PPP1R10: variants seen among roughly 807,000 people sequenced by gnomAD.
PPP1R10 encodes the protein serine/threonine-protein phosphatase 1 regulatory subunit 10.
PPP1R10 carries 15 observed loss-of-function variants against 99.0 expected under a neutral mutation model. The ratio of observed to expected loss-of-function variants is 0.15; its 90% confidence interval spans 0.10 to 0.23. PPP1R10 has a LOEUF of 0.23. PPP1R10 is among the 10% of genes least tolerant of loss of function. The pLI, the probability that PPP1R10 is intolerant of heterozygous loss-of-function variation, is 1.00. For synonymous variants in PPP1R10, 430 were observed against 449.5 expected (o/e 0.96, Z 0.55); for missense variants, 947 against 1,259.4 (o/e 0.75, Z 3.75).
chr6:30,614,072 AATT>A (rs1045528837), intron 2 of PPP1R10, among the ~76,000 whole-genome samples: 19 of 152,278 alleles, frequency 1.2e-4, no homozygotes, highest in African/African-American at 4.1e-4. Flanking sequence ...TAAAAATTAA[AATT>A]ATATGGAGAG....
At position 30,602,709 on chromosome 6, in the gene PPP1R10, A is replaced by G. The variant is rs1363369335; in HGVS notation, c.1958-18T>C. The G allele has an allele frequency of 1.2e-6, 2 of 1,604,440 alleles. No individual in the cohort carries two copies. The highest frequency in any genetic ancestry group is 3.4e-5 in the Admixed American group (2 of 58,380). ...ATGGGGACCTGTAAGGGGACAAAAA[A>G]GAGAGACAGTATCAGCTACCAGGAA... On this transcript the variant is annotated intron_variant, in intron 18 of 19. Coordinates refer to ENST00000376511, the MANE Select transcript of PPP1R10 (RefSeq NM_002714.4). The surrounding 1 kb of genome is among the most constrained non-coding windows in gnomAD (Gnocchi z 6.7).
At position 30,601,585 on chromosome 6, in the gene PPP1R10, G is replaced by A. The variant is rs780919255; in HGVS notation, c.2787C>T (p.Phe929=). Residue 929 remains phenylalanine (F), a synonymous_variant, in exon 20 of 20, where the codon TTC becomes TTT. Coordinates refer to ENST00000376511, the MANE Select transcript of PPP1R10 (RefSeq NM_002714.4). ...GNCRYENNCA[F]YHPGVNGPPL... is the part of the protein sequence containing the mutation. ...GGGGCCCATTGACACCCGGGTGGTAGAAGGCACAGTTGTTCTCATAGCGGC... is the reference window on the plus strand; with the variant it reads ...GGGGCCCATTGACACCCGGGTGGTAAAAGGCACAGTTGTTCTCATAGCGGC... The A allele has an allele frequency of 2.5e-6, 4 of 1,614,160 alleles. No homozygotes were observed. In the Admixed American group the frequency reaches 6.7e-5, roughly 27 times the overall value.
Position 30,603,857 on chromosome 6 carries a change from C to T in PPP1R10, c.1509-14G>A. 6.5e-7 allele frequency: 1 copy of T among 1,529,644 alleles called. No individual in the cohort carries two copies. Among genetic ancestry groups the T allele is most frequent in the Non-Finnish European group, 8.8e-7 (1 of 1,141,396 alleles). The allele number at this position is 1,529,644 out of a possible 1,614,324, so 94.8% of individuals were successfully genotyped here. Reference sequence around the variant, plus strand: ...GGCTCATGAGGACTATCAGGAACAACACAGGTGAGAGAAAAAAGAATGATA... The same window carrying T: ...GGCTCATGAGGACTATCAGGAACAATACAGGTGAGAGAAAAAAGAATGATA... On this transcript the variant is annotated splice_polypyrimidine_tract_variant and intron_variant, in intron 14 of 19. Transcript: ENST00000376511.
intron 17 of PPP1R10, 124 bp from the exon 18 acceptor site, chr6:30,603,083 T>C: frequency 7.1e-7 from 1 of 1,407,830 alleles, no homozygotes; most frequent in Non-Finnish European, 9.9e-7. Flanking sequence ...CTCTGTCCAG[T>C]CTTCCCCTCC....
rs778742536 is a variant in PPP1R10, at chr6:30,604,462, T to G, written c.1152A>C (p.Gly384=). 1.2e-6 allele frequency: 2 copies of G among 1,613,116 alleles called. No homozygotes were observed. The highest frequency in any genetic ancestry group is 1.1e-5 in the South Asian group (1 of 91,088). ...ALDAKPVESP[G]DPNQLTRKGR... ...CTTTCCGGGTCAGTTGGTTAGGATCTCCAGGACTCTCCACTGGCTTGGCAT... is the reference window on the plus strand; with the variant it reads ...CTTTCCGGGTCAGTTGGTTAGGATCGCCAGGACTCTCCACTGGCTTGGCAT... The change falls in exon 13 of 20, where the codon GGA becomes GGC. Residue 384 remains glycine (G), a synonymous_variant. Transcript: ENST00000376511. The surrounding 1 kb of genome is among the most constrained non-coding windows in gnomAD (Gnocchi z 7.3).
chr6:30,613,543 CTCAG>C (rs2127451198), intron 2 of PPP1R10, among the ~76,000 whole-genome samples: 1 of 152,134 alleles, frequency 6.6e-6, no homozygotes, highest in South Asian at 2.1e-4. Flanking sequence ...GCCCCTACCC[CTCAG>C]TCATTTTGCA....
At chr6:30,607,602 A>T (rs1352762422) in intron 6 of PPP1R10, among the ~76,000 whole-genome samples, 1 of 152,240 alleles carries the variant, frequency 6.6e-6, no homozygotes, top group Non-Finnish European at 1.5e-5. Flanking sequence ...TTTAGGAATC[A>T]GCTTCCAGTT....
chr6:30,603,571 T>G lies in PPP1R10; in HGVS notation c.1668A>C (p.Pro556=), dbSNP rs1304922014. ...PDGAGGSKLP[P]VLANLMGSMG... is the part of the protein sequence containing the mutation. ...TGCTTCCCATAAGATTGGCCAGAAC[T>G]GGAGGCAACTTGGAGCCTCCTGCCC... The change falls in exon 16 of 20, where the codon CCA becomes CCC. Residue 556 remains proline (P), a synonymous_variant. Coordinates refer to ENST00000376511, the MANE Select transcript of PPP1R10 (RefSeq NM_002714.4). The G allele has an allele frequency of 3.7e-6, 6 of 1,613,918 alleles. No homozygotes were observed. The highest frequency in any genetic ancestry group is 5.1e-6 in the Non-Finnish European group (6 of 1,179,996).
intron 19 of PPP1R10, 53 bp downstream of exon 19, chr6:30,601,883 A>G (rs1403859751): frequency 2.7e-6 from 4 of 1,456,880 alleles, no homozygotes; most frequent in African/African-American, 1.4e-5. Context: ...CCACTCCCCA[A>G]AAGCTTGTAT....
At position 30,611,595 on chromosome 6, in the gene PPP1R10, T is replaced by G. The variant is rs554364858; in HGVS notation, c.-11-1640A>C. Among the ~76,000 whole-genome samples, 3 of 152,298 alleles carry G rather than the reference T, an allele frequency of 2.0e-5. No individual in the cohort carries two copies. The South Asian group carries it at 6.2e-4, about 32-fold the overall frequency. On this transcript the variant is annotated intron_variant, in intron 2 of 19. Transcript: ENST00000376511. ...AAAGAAAAAACATAGCATAACAATC[T>G]CAGCCTTTTTGTCCTCCCAACAAAA...
intron 2 of PPP1R10, 95 bp from the exon 3 acceptor site, chr6:30,610,050 G>T (rs142201399): frequency 1.3e-6 from 1 of 769,066 alleles, no homozygotes; most frequent in East Asian, 2.5e-5. Context: ...CTCTATATTT[G>T]ACAAAGTATA....
At chr6:30,607,589 A>G (rs529520330) in intron 6 of PPP1R10, among the ~76,000 whole-genome samples, 1 of 152,302 alleles carries the variant, frequency 6.6e-6, no homozygotes, top group South Asian at 2.1e-4. Flanking sequence ...TATAACAAGC[A>G]ATTTTAGGAA....
chr6:30,605,126 T>C, intron 10 of PPP1R10, 32 bp from the exon 11 acceptor site: 1 of 1,581,528 alleles, frequency 6.3e-7, no homozygotes, highest in Non-Finnish European at 8.7e-7. Flanking sequence ...AATGGCATCA[T>C]CAGACCTCCT....
At chr6:30,612,363 T>C (rs1297368180) in intron 2 of PPP1R10, among the ~76,000 whole-genome samples, 1 of 152,154 alleles carries the variant, frequency 6.6e-6, no homozygotes, top group Non-Finnish European at 1.5e-5. Context: ...CAAGTGTTCC[T>C]TAAGAGGATG....
In PPP1R10 at chr6:30,605,066, A is replaced by T. The variant is rs118104179; in HGVS notation, c.882T>A (p.Ala294=). ...QPMEGLGFLD[A]LNSAPVPGIK... ...TGCCTGGAACAGGGGCTGAATTAAG[A>T]GCATCCAGAAAGCCCAGGCCCTCCA... Residue 294 remains alanine, a synonymous_variant, in exon 11 of 20, where the codon GCT becomes GCA. Coordinates refer to ENST00000376511, the MANE Select transcript of PPP1R10 (RefSeq NM_002714.4). The T allele has an allele frequency of 1.7e-3, 2,706 of 1,612,964 alleles. 152 individuals carry two copies. In the East Asian group the frequency reaches 0.058, roughly 35 times the overall value.
At position 30,603,530 on chromosome 6, in the gene PPP1R10, C is replaced by A. The variant is rs1424572629; in HGVS notation, c.1709G>T (p.Gly570Val). Reference sequence around the variant, plus strand: ...GCCTCCTCCTCCAGGGCCTTGGGGGCCCTTTCCAGCACCCATGCTTCCCAT... The same window carrying A: ...GCCTCCTCCTCCAGGGCCTTGGGGGACCTTTCCAGCACCCATGCTTCCCAT... Reference protein sequence around the residue: ...NLMGSMGAGKGPQGPGGGGIN... With the variant: ...NLMGSMGAGKVPQGPGGGGIN... Residue 570 changes from glycine to valine, a missense_variant, in exon 16 of 20, where the codon GGC becomes GTC. This residue lies in a region of PPP1R10 where 525 missense variants were observed against 578.8 expected (regional missense o/e 0.91). Coordinates refer to ENST00000376511, the MANE Select transcript of PPP1R10 (RefSeq NM_002714.4). The A allele has an allele frequency of 6.2e-7, 1 of 1,613,900 alleles. No homozygotes were observed. Among genetic ancestry groups the A allele is most frequent in the South Asian group, 1.1e-5 (1 of 91,058 alleles).
chr6:30,609,529 T>C lies in PPP1R10; in HGVS notation c.107+309A>G, dbSNP rs1479890886. On this transcript the variant is annotated intron_variant, in intron 3 of 19. Coordinates refer to ENST00000376511, the MANE Select transcript of PPP1R10 (RefSeq NM_002714.4). The surrounding 1 kb of genome is among the most constrained non-coding windows in gnomAD (Gnocchi z 4.5). ...AAACCTGAGAATCCCTGAAGGAAAA[T>C]AACATTATGGGTAGGTGGAACACGA... Among the ~76,000 whole-genome samples the C allele has an allele frequency of 3.3e-5, 5 of 152,108 alleles. No homozygotes were observed.
chr6:30,612,370 G>T (rs960413660), intron 2 of PPP1R10, among the ~76,000 whole-genome samples: 7 of 152,122 alleles, frequency 4.6e-5, no homozygotes, highest in African/African-American at 1.7e-4. Context: ...TCCTTAAGAG[G>T]ATGGGAGACA....
intron 5 of PPP1R10, among the ~76,000 whole-genome samples, chr6:30,608,165 AT>A (rs1282467860): frequency 6.6e-6 from 1 of 151,584 alleles, no homozygotes; most frequent in African/African-American, 2.4e-5. Flanking sequence ...AATTTTTTGT[AT>A]TTTTTGTAGA....
Sources: gnomAD v4.1 joint callset for allele counts (sites outside exome capture counted in the v4.1 genomes callset) on GRCh38, gnomAD v4.1.1 for gene constraint, gnomAD v4.1.1 regional missense constraint, Gnocchi (gnomAD v3.1) non-coding constraint, MANE v1.5 for transcripts, NCBI Gene and HGNC (gene_info 2026-07-23, HGNC 2026-07-21) for gene names.